Variants in DLGAP2 observed in about 807,000 individuals in gnomAD.
DLGAP2 encodes the protein DLG associated protein 2, also known as disks large-associated protein 2.
Under a neutral mutation model 100.3 loss-of-function variants are expected in DLGAP2, and 26 were observed. That is an observed-to-expected ratio of 0.26 (90% CI 0.19 to 0.36). The LOEUF (loss-of-function observed/expected upper bound fraction) is 0.36, where lower values mean the gene tolerates loss of function less well. Ranked by LOEUF, DLGAP2 falls within the 10% of genes least tolerant of loss-of-function variation. The pLI, the probability that DLGAP2 is intolerant of heterozygous loss-of-function variation, is 1.00. For synonymous variants in DLGAP2, 886 were observed against 630.1 expected (o/e 1.41, Z -6.08); for missense variants, 1,858 against 1,453.2 (o/e 1.28, Z -4.53).
intron 2 of DLGAP2, among the ~76,000 whole-genome samples, chr8:935,987 G>A (rs932806237): frequency 2.0e-5 from 3 of 152,210 alleles, no homozygotes; most frequent in Non-Finnish European, 4.4e-5. Flanking sequence ...CAGTCTAAGA[G>A]TCAGAGTAGG....
intron 3 of DLGAP2, among the ~76,000 whole-genome samples, chr8:1,283,338 G>A (rs554527527): frequency 2.5e-4 from 38 of 152,294 alleles, no homozygotes; most frequent in Non-Finnish European, 4.9e-4. Flanking sequence ...TGAACCCAGC[G>A]CCCTGGATCT....
chr8:1,563,736 C>G (rs191080116), intron 5 of DLGAP2, among the ~76,000 whole-genome samples: 1 of 152,026 alleles, frequency 6.6e-6, no homozygotes, highest in Non-Finnish European at 1.5e-5. Context: ...TCAGATCTGC[C>G]GGAGCACTGG....
chr8:1,092,766 C>T (rs1403038676), intron 2 of DLGAP2, among the ~76,000 whole-genome samples: 1 of 152,138 alleles, frequency 6.6e-6, no homozygotes, highest in Non-Finnish European at 1.5e-5. Context: ...GCTCTCCCAG[C>T]AACACAGATG....
chr8:1,595,261 G>C (rs889633386), intron 6 of DLGAP2, among the ~76,000 whole-genome samples: 3 of 151,786 alleles, frequency 2.0e-5, no homozygotes, highest in African/African-American at 7.3e-5. Context: ...GGTTTTACGG[G>C]CTTTTTTTAA....
intron 3 of DLGAP2, among the ~76,000 whole-genome samples, chr8:1,423,166 A>C (rs1023627779): frequency 7.9e-5 from 12 of 152,226 alleles, no homozygotes; most frequent in Non-Finnish European, 1.8e-4. Flanking sequence ...CCTAGGTGGC[A>C]AGTTAATATA....
intron 3 of DLGAP2, among the ~76,000 whole-genome samples, chr8:1,439,664 A>C (rs745872361): frequency 7.9e-5 from 12 of 152,174 alleles, no homozygotes; most frequent in Non-Finnish European, 1.6e-4. Context: ...GGGTCTCGAA[A>C]CTGAAACGGC....
intron 3 of DLGAP2, among the ~76,000 whole-genome samples, chr8:1,418,456 A>T (rs1264067876): frequency 6.6e-6 from 1 of 152,174 alleles, no homozygotes; most frequent in African/African-American, 2.4e-5. Context: ...TTAGCCTGAA[A>T]TTATAGCCAT....
intron 3 of DLGAP2, among the ~76,000 whole-genome samples, chr8:1,337,226 ATGG>A (rs1325967740): frequency 1.5e-4 from 23 of 149,158 alleles, no homozygotes; most frequent in Non-Finnish European, 1.3e-4. Context: ...GATGAGGATG[ATGG>A]TGGTGGTGAG....
At chr8:1,364,376 G>T (rs1242378577) in intron 3 of DLGAP2, among the ~76,000 whole-genome samples, 2 of 152,122 alleles carry the variant, frequency 1.3e-5, no homozygotes, top group African/African-American at 4.8e-5. Flanking sequence ...GCCACGTGCG[G>T]AATGAGGAGT....
intron 3 of DLGAP2, among the ~76,000 whole-genome samples, chr8:1,293,237 C>T (rs1345498947): frequency 6.6e-6 from 1 of 152,216 alleles, no homozygotes; most frequent in East Asian, 1.9e-4. Context: ...CACATGGGCC[C>T]ACATGCCCTC....
intron 3 of DLGAP2, among the ~76,000 whole-genome samples, chr8:1,372,400 G>T (rs953739139): frequency 7.2e-5 from 11 of 152,174 alleles, no homozygotes; most frequent in Non-Finnish European, 1.2e-4. Flanking sequence ...AGCAGACACC[G>T]TCTTGCCCTC....
chr8:1,488,280 G>A (rs1799282128), intron 3 of DLGAP2, among the ~76,000 whole-genome samples: 1 of 152,126 alleles, frequency 6.6e-6, no homozygotes, highest in Non-Finnish European at 1.5e-5. Context: ...GCCCGTCTGG[G>A]ATTTGGCCAC....
intron 2 of DLGAP2, among the ~76,000 whole-genome samples, chr8:1,079,207 G>C (rs111736897): frequency 6.6e-6 from 1 of 152,088 alleles, no homozygotes; most frequent in Non-Finnish European, 1.5e-5. Flanking sequence ...CCTTGGTGAG[G>C]TGTCTCTTCA....
At chr8:1,031,933 A>G (rs371264900) in intron 2 of DLGAP2, among the ~76,000 whole-genome samples, 2 of 152,210 alleles carry the variant, frequency 1.3e-5, no homozygotes, top group Admixed American at 1.3e-4. Flanking sequence ...GGTCCTGAAC[A>G]AGCGAGTCTG....
chr8:1,239,473 G>A lies in DLGAP2; in HGVS notation c.74-19378G>A, dbSNP rs1303300094. ...TGTCTAGATCTCTCTCACACATAGC[G>A]TCATGTCTAGTTCTGTCTCACACAG... On this transcript the variant is annotated intron_variant, in intron 2 of 14. Coordinates refer to ENST00000637795, the MANE Select transcript of DLGAP2 (RefSeq NM_001346810.2). 3.8e-3 allele frequency among the ~76,000 whole-genome samples: 194 copies of A among 51,060 alleles called. 1 individual carries two copies. The highest frequency in any genetic ancestry group is 5.5e-3 in the Non-Finnish European group (164 of 29,726). The allele number at this position is 51,060 out of a possible 152,430, so 33.5% of individuals were successfully genotyped here. A position where few individuals can be genotyped will look rare whatever the true frequency, so the allele number is the denominator to read the frequency against.
chr8:1,449,359 A>T (rs1160348481), intron 3 of DLGAP2, among the ~76,000 whole-genome samples: 1 of 152,204 alleles, frequency 6.6e-6, no homozygotes, highest in Admixed American at 6.5e-5. Context: ...AGTCCAGCCC[A>T]GGCAGCTGCA....
intron 3 of DLGAP2, among the ~76,000 whole-genome samples, chr8:1,440,661 A>G (rs1396667566): frequency 2.0e-5 from 3 of 152,228 alleles, no homozygotes; most frequent in African/African-American, 7.2e-5. Context: ...TGACCGGCTG[A>G]GCGTGGATTG....
In DLGAP2 at chr8:1,701,347, G is replaced by C. The variant is rs968201779; in HGVS notation, c.3109G>C (p.Ala1037Pro). ...AGCGGCGTCCTTCCGGCAGAATTCCGCCTCCGAGCGCGCGGACAGCATCGA... is the reference window on the plus strand; with the variant it reads ...AGCGGCGTCCTTCCGGCAGAATTCCCCCTCCGAGCGCGCGGACAGCATCGA... ...KRAASFRQNSASERADSIEIY... is the reference protein window; with the variant it reads ...KRAASFRQNSPSERADSIEIY... Residue 1037 changes from alanine (A) to proline (P), a missense_variant, in exon 15 of 15, where the codon GCC becomes CCC. Physicochemically the swap from Ala to Pro is conservative, Grantham distance 27. Coordinates refer to ENST00000637795, the MANE Select transcript of DLGAP2 (RefSeq NM_001346810.2). The C allele has an allele frequency of 6.3e-7, 1 of 1,592,564 alleles. No homozygotes were observed. Among genetic ancestry groups the C allele is most frequent in the Non-Finnish European group, 8.5e-7 (1 of 1,170,536 alleles).
intron 3 of DLGAP2, among the ~76,000 whole-genome samples, chr8:1,289,944 G>C (rs541707449): frequency 6.6e-6 from 1 of 152,334 alleles, no homozygotes; most frequent in East Asian, 1.9e-4. Context: ...ACTCAAGACA[G>C]ATCAAATGGT....
Sources: allele counts gnomAD v4.1 joint callset (sites outside exome capture counted in the v4.1 genomes callset), GRCh38; gene constraint gnomAD v4.1.1; transcripts MANE v1.5; gene names NCBI Gene and HGNC (gene_info 2026-07-23, HGNC 2026-07-21).